The following TMED2 variants were observed in gnomAD, a reference collection of about 807,000 sequenced individuals.
The protein encoded by TMED2 is transmembrane emp24 domain-containing protein 2.
Under a neutral mutation model 17.5 loss-of-function variants are expected in TMED2, and 3 were observed. The ratio of observed to expected loss-of-function variants is 0.17; its 90% CI spans 0.08 to 0.44. TMED2 has a LOEUF of 0.44. Ranked by LOEUF, TMED2 falls within the 20% of genes least tolerant of loss-of-function variation. TMED2 has a pLI of 0.99. For missense variants in TMED2, 149 were observed against 254.8 expected, an observed-to-expected ratio of 0.58 and a Z score of 2.83; for synonymous variants, 95 against 91.0, an observed-to-expected ratio of 1.04 and a Z score of -0.25.
chr12:123,591,875 T>C (rs1020434420), intron 3 of TMED2, among the ~76,000 whole-genome samples: 2 of 152,196 alleles, frequency 1.3e-5, no homozygotes, highest in Non-Finnish European at 2.9e-5. Flanking sequence ...GGGAGCAAGC[T>C]CTTGTCTTAA....
At position 123,597,854 on chromosome 12, in the gene TMED2, T is replaced by TTG. The variant is rs1000372981; in HGVS notation, c.*1126_*1127insGT. ...ACATATTAGTTACTTGTGCTTTTTT[T>TTG]TTTTTTTTTGGATCTTTGCAAGGGC... is the stretch of plus-strand genomic sequence containing the variant. On this transcript the variant is annotated 3_prime_UTR_variant, in exon 4 of 4. Transcript: ENST00000262225. The TTG allele has an allele frequency of 7.9e-5, 12 of 152,246 alleles. No individual in the cohort carries two copies. Among genetic ancestry groups the TTG allele is most frequent in the African/African-American group, 2.9e-4 (12 of 41,384 alleles). The allele number at this position is 152,246 out of a possible 1,614,324, so 9.4% of individuals were successfully genotyped here. A position where few individuals can be genotyped will look rare whatever the true frequency, so the allele number is the denominator to read the frequency against.
At chr12:123,588,020 G>A (rs559685038) in intron 2 of TMED2, among the ~76,000 whole-genome samples, 1 of 152,198 alleles carries the variant, frequency 6.6e-6, no homozygotes, top group Admixed American at 6.5e-5. Flanking sequence ...AGCTTAGTTG[G>A]ATATGAAATG....
At position 123,584,828 on chromosome 12, in the gene TMED2, C is replaced by T. The variant is rs1025504233; in HGVS notation, c.180+12C>T. The T allele has an allele frequency of 1.2e-6, 2 of 1,605,758 alleles. No homozygotes were observed. The highest frequency in any genetic ancestry group is 2.2e-5 in the East Asian group (1 of 44,822). On this transcript the variant is annotated intron_variant, in intron 1 of 3. Transcript: ENST00000262225. The stretch of plus-strand genomic sequence containing the variant: ...ACATCGACGTGGAGGTGCGGGCTAG[C>T]TGCCCGCAGCTGAGGCTTGGTCGCG...
intron 3 of TMED2, among the ~76,000 whole-genome samples, chr12:123,592,272 CAT>C (rs1490392173): frequency 5.3e-5 from 8 of 152,208 alleles, no homozygotes; most frequent in African/African-American, 1.9e-4. Context: ...TGTTGGGACT[CAT>C]ATGTTGTTTA....
chr12:123,590,236 T>G, intron 2 of TMED2, 106 bp from the exon 3 acceptor site: 1 of 765,968 alleles, frequency 1.3e-6, no homozygotes, highest in Non-Finnish European at 1.9e-6. Context: ...TGAGCTGAGA[T>G]TGAGCACCAC....
At chr12:123,584,977 G>A (rs925732204) in intron 1 of TMED2, 161 bp downstream of exon 1, 1 of 898,052 alleles carries the variant, frequency 1.1e-6, no homozygotes, top group Non-Finnish European at 1.6e-6. Context: ...CCCCGGCCAC[G>A]GCGACCTCCT....
At chr12:123,589,489 A>G (rs374090393) in intron 2 of TMED2, among the ~76,000 whole-genome samples, 1 of 152,222 alleles carries the variant, frequency 6.6e-6, no homozygotes, top group African/African-American at 2.4e-5. Flanking sequence ...TGCTGTAGTT[A>G]ATAGTCAGTA....
At chr12:123,588,270 A>G (rs923822437) in intron 2 of TMED2, among the ~76,000 whole-genome samples, 1 of 152,032 alleles carries the variant, frequency 6.6e-6, no homozygotes, top group Admixed American at 6.6e-5. Context: ...ATAGTATACT[A>G]TTAGCGTGGT....
At chr12:123,593,488 G>A (rs911964670) in intron 3 of TMED2, among the ~76,000 whole-genome samples, 2 of 152,210 alleles carry the variant, frequency 1.3e-5, no homozygotes, top group Non-Finnish European at 2.9e-5. Context: ...GTAGAAGTCA[G>A]TTTTCTGATT....
At chr12:123,586,682 CATTACTT>C in intron 1 of TMED2, 58 bp from the exon 2 acceptor site, 1 of 1,459,742 alleles carries the variant, frequency 6.9e-7, no homozygotes, top group Non-Finnish European at 9.2e-7. Flanking sequence ...TGCCATTAGA[CATTACTT>C]ATAAAGTCTA....
At chr12:123,591,522 G>A (rs950185691) in intron 3 of TMED2, among the ~76,000 whole-genome samples, 9 of 152,162 alleles carry the variant, frequency 5.9e-5, no homozygotes, top group African/African-American at 2.2e-4. Context: ...AGTGGCTCAC[G>A]CCTGTAATCC....
intron 3 of TMED2, among the ~76,000 whole-genome samples, chr12:123,594,104 G>A (rs1953412633): frequency 6.6e-6 from 1 of 150,882 alleles, no homozygotes; most frequent in South Asian, 2.1e-4. Flanking sequence ...TTTTAATGTT[G>A]GCTATTTGCA....
chr12:123,594,472 G>A (rs1223732144), intron 3 of TMED2, among the ~76,000 whole-genome samples: 1 of 152,136 alleles, frequency 6.6e-6, no homozygotes, highest in African/African-American at 2.4e-5. Flanking sequence ...GAATTTGACT[G>A]GAGAGTTGGA....
In TMED2 at chr12:123,596,780, C is replaced by T. The variant is rs762177803; in HGVS notation, c.*51C>T. ...TCAGAATTCACTGTTTACCAAACACCTTGGTCATAATAATGTCATTAGTTT... is the reference window on the plus strand; with the variant it reads ...TCAGAATTCACTGTTTACCAAACACTTTGGTCATAATAATGTCATTAGTTT... On this transcript the variant is annotated 3_prime_UTR_variant, in exon 4 of 4. Coordinates refer to ENST00000262225, the MANE Select transcript of TMED2 (RefSeq NM_006815.4). 1 of 1,528,660 alleles carries T rather than the reference C, an allele frequency of 6.5e-7. No individual in the cohort carries two copies. Among genetic ancestry groups the T allele is most frequent in the Admixed American group, 2.2e-5 (1 of 46,496 alleles). 94.7% of individuals were successfully genotyped at this position (1,528,660 alleles called of 1,614,324 possible).
rs2135666559 is a variant in TMED2 at position 123,598,372 on chromosome 12, T to C, written c.*1643T>C. 6.6e-6 allele frequency: 1 copy of C among 152,308 alleles called. No homozygotes were observed. The highest frequency in any genetic ancestry group is 3.4e-3 in the Middle Eastern group (1 of 294). The allele number at this position is 152,308 out of a possible 1,614,324, so 9.4% of individuals were successfully genotyped here. On this transcript the variant is annotated 3_prime_UTR_variant, in exon 4 of 4. Coordinates refer to ENST00000262225, the MANE Select transcript of TMED2 (RefSeq NM_006815.4). ...TCAGTGCTAAAATCTTAAGTATTTT[T>C]CTATTTGGGAAAAAAGGGTTGAATT...
At chr12:123,587,536 A>C (rs776937888) in intron 2 of TMED2, 46 of 1,147,328 alleles carry the variant, frequency 4.0e-5, no homozygotes, top group Non-Finnish European at 5.0e-5. Context: ...TTATTTGCTC[A>C]TTTGTATACA....
chr12:123,587,930 G>T (rs1953364253), intron 2 of TMED2, among the ~76,000 whole-genome samples: 1 of 152,218 alleles, frequency 6.6e-6, no homozygotes. Flanking sequence ...TAAGGGGACA[G>T]AAGTCCCAAT....
intron 1 of TMED2, chr12:123,586,432 C>T (rs780070839): frequency 1.2e-5 from 2 of 163,036 alleles, no homozygotes; most frequent in Non-Finnish European, 2.6e-5. Context: ...CTCACTGCAA[C>T]CTCTGCCTCC....
chr12:123,586,088 C>T (rs1886339960), intron 1 of TMED2: 1 of 152,010 alleles, frequency 6.6e-6, no homozygotes, highest in African/African-American at 2.4e-5. Flanking sequence ...AAAGAGATTT[C>T]TTTTTTCTTG....
Sources: allele counts gnomAD v4.1 joint callset (sites outside exome capture counted in the v4.1 genomes callset), GRCh38; gene constraint gnomAD v4.1.1; transcripts MANE v1.5; gene names NCBI Gene and HGNC (gene_info 2026-07-23, HGNC 2026-07-21).